Variants in SLC41A2 observed in about 807,000 individuals in gnomAD.
The protein encoded by SLC41A2 is SLC41A1-like 1.
SLC41A2 carries 32 observed loss-of-function variants against 58.3 expected under a neutral mutation model. The observed-to-expected ratio is 0.55, with a 90% confidence interval of 0.41 to 0.74. The LOEUF is 0.74. Ranked by LOEUF, SLC41A2 falls within the 30% of genes least tolerant of loss-of-function variation. The pLI, the probability that SLC41A2 is intolerant of heterozygous loss-of-function variation, is 0.00. For missense variants in SLC41A2, 514 were observed against 680.6 expected (o/e 0.76, Z 2.72); for synonymous variants, 190 against 235.0 (o/e 0.81, Z 1.75).
chr12:104,825,503 C>T (rs1292744208), intron 10 of SLC41A2, among the ~76,000 whole-genome samples: 1 of 152,206 alleles, frequency 6.6e-6, no homozygotes, highest in Non-Finnish European at 1.5e-5. Flanking sequence ...CCCCCAGAAT[C>T]TCCCCCTTTT....
chr12:104,861,003 A>G (rs1277939445), intron 8 of SLC41A2, among the ~76,000 whole-genome samples: 3 of 152,228 alleles, frequency 2.0e-5, no homozygotes, highest in African/African-American at 7.2e-5. Flanking sequence ...AATAATAAAC[A>G]AAATCTGAAA....
At chr12:104,889,632 T>C (rs2044848217) in intron 4 of SLC41A2, among the ~76,000 whole-genome samples, 1 of 152,118 alleles carries the variant, frequency 6.6e-6, no homozygotes, top group Non-Finnish European at 1.5e-5. Flanking sequence ...ATTCAAGGAG[T>C]ATTTATTTAG....
intron 6 of SLC41A2, among the ~76,000 whole-genome samples, chr12:104,876,827 T>A (rs1049675576): frequency 6.6e-6 from 1 of 152,172 alleles, no homozygotes; most frequent in Non-Finnish European, 1.5e-5. Flanking sequence ...GTCCAATGCT[T>A]CCTAATTGAT....
chr12:104,942,824 C>A (rs1221976675), intron 1 of SLC41A2, among the ~76,000 whole-genome samples: 1 of 152,128 alleles, frequency 6.6e-6, no homozygotes, highest in African/African-American at 2.4e-5. Flanking sequence ...TATCTTGTTA[C>A]ACAGAGTCAG....
intron 3 of SLC41A2, among the ~76,000 whole-genome samples, chr12:104,908,414 G>A (rs2045942843): frequency 6.6e-6 from 1 of 152,222 alleles, no homozygotes; most frequent in Non-Finnish European, 1.5e-5. Context: ...ACAGAGGGTG[G>A]AGAGTCCTCC....
chr12:104,869,510 A>G (rs1405295967), intron 6 of SLC41A2, among the ~76,000 whole-genome samples: 1 of 152,164 alleles, frequency 6.6e-6, no homozygotes, highest in Non-Finnish European at 1.5e-5. Flanking sequence ...TTTTGCAACT[A>G]TTCTATAAAC....
chr12:104,920,283 G>A (rs912215546), intron 2 of SLC41A2, among the ~76,000 whole-genome samples: 6 of 151,764 alleles, frequency 4.0e-5, no homozygotes, highest in Non-Finnish European at 4.4e-5. Flanking sequence ...TTTTCTTTCC[G>A]TTTGGATATG....
chr12:104,914,503 T>C (rs2046225971), intron 2 of SLC41A2, among the ~76,000 whole-genome samples: 1 of 152,156 alleles, frequency 6.6e-6, no homozygotes, highest in African/African-American at 2.4e-5. Flanking sequence ...TCCAAAGAAA[T>C]GGAGTGTGAT....
intron 2 of SLC41A2, among the ~76,000 whole-genome samples, chr12:104,911,571 T>C (rs1349122253): frequency 1.3e-5 from 2 of 152,228 alleles, no homozygotes; most frequent in Non-Finnish European, 2.9e-5. Context: ...AAAATATACA[T>C]GTCATGAATA....
At chr12:104,848,962 T>C (rs1382348650) in intron 8 of SLC41A2, among the ~76,000 whole-genome samples, 1 of 151,762 alleles carries the variant, frequency 6.6e-6, no homozygotes, top group Non-Finnish European at 1.5e-5. Context: ...TGCAAATCAA[T>C]AAATAGTGCT....
At chr12:104,934,351 TCTTA>T (rs2047181550) in intron 1 of SLC41A2, among the ~76,000 whole-genome samples, 1 of 152,214 alleles carries the variant, frequency 6.6e-6, no homozygotes, top group Admixed American at 6.5e-5. Context: ...CTCCTAGGAT[TCTTA>T]CTTCAGTATA....
chr12:104,836,518 T>C (rs1488354986), intron 10 of SLC41A2, among the ~76,000 whole-genome samples: 1 of 152,194 alleles, frequency 6.6e-6, no homozygotes, highest in Non-Finnish European at 1.5e-5. Context: ...AGCAGTACCA[T>C]TTTCCTCTGA....
chr12:104,908,495 T>C (rs143668835), intron 3 of SLC41A2, among the ~76,000 whole-genome samples: 4 of 152,298 alleles, frequency 2.6e-5, no homozygotes, highest in Admixed American at 1.3e-4. Flanking sequence ...TCCTAATTGA[T>C]ACATGGATCA....
At chr12:104,902,947 C>A (rs140465913) in intron 3 of SLC41A2, among the ~76,000 whole-genome samples, 2 of 152,112 alleles carry the variant, frequency 1.3e-5, no homozygotes. Flanking sequence ...ATAAAAATGC[C>A]GTAAACTAGA....
intron 4 of SLC41A2, among the ~76,000 whole-genome samples, chr12:104,894,282 G>T (rs2045172773): frequency 1.3e-5 from 2 of 151,658 alleles, no homozygotes; most frequent in South Asian, 4.2e-4. Flanking sequence ...GAGCCCAGGA[G>T]GTCAAGGCTG....
intron 10 of SLC41A2, among the ~76,000 whole-genome samples, chr12:104,825,810 C>T (rs977653801): frequency 1.3e-5 from 2 of 152,224 alleles, no homozygotes; most frequent in Non-Finnish European, 1.5e-5. Context: ...TTCCTGCCAA[C>T]TGAAACCCAC....
chr12:104,880,318 G>A (rs1232368001), intron 6 of SLC41A2, among the ~76,000 whole-genome samples: 1 of 152,142 alleles, frequency 6.6e-6, no homozygotes, highest in Non-Finnish European at 1.5e-5. Context: ...TCTTTCTCCT[G>A]CCTGATTGCC....
chr12:104,940,433 C>T (rs568823467), intron 1 of SLC41A2, among the ~76,000 whole-genome samples: 3 of 151,256 alleles, frequency 2.0e-5, no homozygotes, highest in African/African-American at 7.3e-5. Flanking sequence ...ACCAACATGG[C>T]ACATGTATAC....
chr12:104,929,759 A>G (rs1278311194), intron 1 of SLC41A2, among the ~76,000 whole-genome samples: 1 of 152,256 alleles, frequency 6.6e-6, no homozygotes, highest in Non-Finnish European at 1.5e-5. Context: ...CTGATTTGAT[A>G]AGGGATGGGT....
Sources: allele counts gnomAD v4.1 joint callset (sites outside exome capture counted in the v4.1 genomes callset), GRCh38; gene constraint gnomAD v4.1.1; transcripts MANE v1.5; gene names NCBI Gene and HGNC (gene_info 2026-07-23, HGNC 2026-07-21).